Variants in RNF13 observed in about 807,000 individuals in gnomAD.
The protein encoded by RNF13 is ring finger protein 13, also known as E3 ubiquitin-protein ligase RNF13.
In RNF13, 19 loss-of-function variants were observed where a neutral mutation model predicts 37.7. That is an observed-to-expected ratio of 0.50 (90% confidence interval 0.35 to 0.74). RNF13 has a LOEUF of 0.74. RNF13 is among the 30% of genes least tolerant of loss of function. The probability of loss-of-function intolerance (pLI) is 0.01; values close to 1 mark genes in which losing one functional copy is unlikely to be tolerated. For missense variants in RNF13, 375 were observed against 453.0 expected (o/e 0.83, Z 1.56); for synonymous variants, 144 against 157.8 (o/e 0.91, Z 0.65).
chr3:149,941,117 T>C (rs1720216480), intron 8 of RNF13, among the ~76,000 whole-genome samples: 1 of 152,202 alleles, frequency 6.6e-6, no homozygotes, highest in African/African-American at 2.4e-5. Flanking sequence ...TTGGATTGTT[T>C]CCACTCTACC....
At chr3:149,921,997 G>A (rs531722479) in intron 8 of RNF13, among the ~76,000 whole-genome samples, 79 of 151,418 alleles carry the variant, frequency 5.2e-4, no homozygotes, top group Non-Finnish European at 8.4e-4. Context: ...CTTTTGAGAC[G>A]GAGTCTCACT....
In RNF13 at chr3:149,890,063, GTC is replaced by G. The variant is rs1714534737; in HGVS notation, c.322-5406_322-5405del. ...CTCAAATTTAGTATGTTTAAAGCCAGTCTCTGCTACTTTCCTATCAAAACAAA... is the reference window on the plus strand; with the variant it reads ...CTCAAATTTAGTATGTTTAAAGCCAGTCTGCTACTTTCCTATCAAAACAAA... On this transcript the variant is annotated intron_variant, in intron 4 of 9. Transcript: ENST00000392894. 2.0e-5 allele frequency among the ~76,000 whole-genome samples: 3 copies of G among 152,186 alleles called. No individual in the cohort carries two copies. The South Asian group carries it at 6.2e-4, about 31-fold the overall frequency.
At chr3:149,823,206 A>G (rs978075179) in intron 1 of RNF13, among the ~76,000 whole-genome samples, 2 of 152,114 alleles carry the variant, frequency 1.3e-5, no homozygotes, top group African/African-American at 4.8e-5. Context: ...GCACTGTTTT[A>G]AGCACTTTAT....
At chr3:149,845,898 T>A (rs377114119) in intron 1 of RNF13, 113 bp from the exon 2 acceptor site, 186 of 576,858 alleles carry the variant, frequency 3.2e-4, no homozygotes, top group African/African-American at 2.9e-3. Context: ...TTAATGTTAA[T>A]ACATGTTTAT....
chr3:149,867,874 T>C (rs1711539135), intron 3 of RNF13, among the ~76,000 whole-genome samples: 1 of 151,882 alleles, frequency 6.6e-6, no homozygotes, highest in Non-Finnish European at 1.5e-5. Flanking sequence ...TGTCTTCCTT[T>C]GTGGTTATTT....
At chr3:149,956,192 C>T (rs1721845621) in intron 8 of RNF13, among the ~76,000 whole-genome samples, 1 of 152,052 alleles carries the variant, frequency 6.6e-6, no homozygotes, top group African/African-American at 2.4e-5. Flanking sequence ...TGTGATATTT[C>T]ATTTTTAAAA....
chr3:149,923,594 G>A (rs1030057906), intron 8 of RNF13, among the ~76,000 whole-genome samples: 12 of 151,776 alleles, frequency 7.9e-5, no homozygotes, highest in African/African-American at 2.4e-4. Context: ...GTGAAACCCC[G>A]TCTCTACTAA....
intron 8 of RNF13, among the ~76,000 whole-genome samples, chr3:149,953,825 G>A (rs1024148225): frequency 6.6e-6 from 1 of 152,254 alleles, no homozygotes; most frequent in African/African-American, 2.4e-5. Context: ...GTGTGTGGTG[G>A]GAGGGATTTA....
At chr3:149,911,289 C>A (rs1716971163) in intron 6 of RNF13, among the ~76,000 whole-genome samples, 1 of 152,018 alleles carries the variant, frequency 6.6e-6, no homozygotes, top group African/African-American at 2.4e-5. Flanking sequence ...GGTGGAGGTT[C>A]TTTTTGGTAC....
intron 1 of RNF13, among the ~76,000 whole-genome samples, chr3:149,837,075 A>G (rs1427227238): frequency 6.6e-6 from 1 of 152,192 alleles, no homozygotes; most frequent in Non-Finnish European, 1.5e-5. Flanking sequence ...TATTTGCACA[A>G]CAATGTGAAT....
At chr3:149,960,248 T>C in intron 9 of RNF13, 112 bp downstream of exon 9, 2 of 710,232 alleles carry the variant, frequency 2.8e-6, no homozygotes, top group Non-Finnish European at 4.9e-6. Context: ...AGCCAGGCCC[T>C]GTACTAATTA....
intron 8 of RNF13, among the ~76,000 whole-genome samples, chr3:149,945,611 A>C (rs545867960): frequency 6.6e-6 from 1 of 152,302 alleles, no homozygotes; most frequent in South Asian, 2.1e-4. Context: ...GAACAGACAG[A>C]CTGCCTCCTT....
At chr3:149,842,764 T>G (rs1419795844) in intron 1 of RNF13, among the ~76,000 whole-genome samples, 1 of 152,248 alleles carries the variant, frequency 6.6e-6, no homozygotes, top group African/African-American at 2.4e-5. Context: ...TACATCATAT[T>G]TTTGACCAGT....
chr3:149,912,664 T>C (rs942419694), intron 7 of RNF13, among the ~76,000 whole-genome samples: 1 of 152,128 alleles, frequency 6.6e-6, no homozygotes, highest in African/African-American at 2.4e-5. Flanking sequence ...GTATTTATTA[T>C]AAAATTCAAC....
intron 1 of RNF13, chr3:149,813,926 GAGAA>G (rs1265946870): frequency 1.3e-5 from 2 of 152,212 alleles, no homozygotes; most frequent in East Asian, 1.9e-4. Context: ...TTGTCCCAGA[GAGAA>G]AGAGAGAGTG....
intron 7 of RNF13, among the ~76,000 whole-genome samples, chr3:149,919,166 TATA>T (rs1196811138): frequency 6.6e-6 from 1 of 152,210 alleles, no homozygotes; most frequent in African/African-American, 2.4e-5. Context: ...TATGATTTGA[TATA>T]ATAAATTACA....
intron 8 of RNF13, among the ~76,000 whole-genome samples, chr3:149,940,808 T>C (rs996152200): frequency 4.6e-5 from 7 of 152,162 alleles, no homozygotes; most frequent in African/African-American, 1.7e-4. Flanking sequence ...TTTCATCTTA[T>C]AACACTAAGA....
intron 1 of RNF13, among the ~76,000 whole-genome samples, chr3:149,841,960 A>G (rs1680757169): frequency 6.6e-6 from 1 of 151,772 alleles, no homozygotes; most frequent in Admixed American, 6.6e-5. Flanking sequence ...AAAATTTTAG[A>G]CCCTCTTGCG....
chr3:149,816,702 A>T (rs1719494242), intron 1 of RNF13, among the ~76,000 whole-genome samples: 1 of 152,230 alleles, frequency 6.6e-6, no homozygotes, highest in Admixed American at 6.5e-5. Context: ...ATGGATACAG[A>T]TTATGGAGAT....
Sources: gnomAD v4.1 joint callset for allele counts (sites outside exome capture counted in the v4.1 genomes callset) on GRCh38, gnomAD v4.1.1 for gene constraint, MANE v1.5 for transcripts, NCBI Gene and HGNC (gene_info 2026-07-23, HGNC 2026-07-21) for gene names.